Variants in DNAAF1 observed in about 807,000 individuals in gnomAD.
DNAAF1 encodes the protein dynein assembly factor 1, axonemal.
Under a neutral mutation model 71.1 loss-of-function variants are expected in DNAAF1, and 65 were observed. The observed-to-expected ratio is 0.91, with a 90% CI of 0.75 to 1.12. DNAAF1 has a LOEUF of 1.12. DNAAF1 is among the 50% of genes most tolerant of loss of function. The probability of loss-of-function intolerance (pLI) is 0.00; values close to 1 mark genes in which losing one functional copy is unlikely to be tolerated. For missense variants in DNAAF1, 1,178 were observed against 899.8 expected (o/e 1.31, Z -3.96); for synonymous variants, 414 against 354.6 (o/e 1.17, Z -1.88).
At chr16:84,174,597 T>G (rs746038599) in intron 9 of DNAAF1, 72 bp from the exon 10 acceptor site, 190 of 1,613,358 alleles carry the variant, frequency 1.2e-4, no homozygotes, top group Non-Finnish European at 1.5e-4. Context: ...CGTGTTTGCC[T>G]TTATCGTGCC....
intron 8 of DNAAF1, among the ~76,000 whole-genome samples, chr16:84,171,668 C>G (rs1442925434): frequency 6.6e-6 from 1 of 152,130 alleles, no homozygotes; most frequent in East Asian, 1.9e-4. Context: ...CCCCTGCTGG[C>G]ATCCCTTGTC....
chr16:84,171,280 C>G lies in DNAAF1; in HGVS notation c.1528+924C>G, dbSNP rs542474843. Among the ~76,000 whole-genome samples the G allele has an allele frequency of 1.2e-3, 176 of 152,168 alleles. 2 individuals carry two copies. Among genetic ancestry groups the G allele is most frequent in the African/African-American group, 3.9e-3 (163 of 41,518 alleles). ...GTGAGAAGCCCCCTTCCCCGCAACC[C>G]CCAAGCCTCTACAAAAAACAATAAA... On this transcript the variant is annotated intron_variant, in intron 8 of 11. Coordinates refer to ENST00000378553, the MANE Select transcript of DNAAF1 (RefSeq NM_178452.6).
chr16:84,173,509 T>G (rs1426396188), intron 9 of DNAAF1: 2 of 983,284 alleles, frequency 2.0e-6, no homozygotes, highest in African/African-American at 1.8e-5. Flanking sequence ...GAATTCACAG[T>G]GGGTTTCTAG....
intron 3 of DNAAF1, among the ~76,000 whole-genome samples, chr16:84,151,250 A>C (rs2087166620): frequency 1.3e-5 from 2 of 152,164 alleles, no homozygotes; most frequent in Non-Finnish European, 2.9e-5. Context: ...CTCAGTGCTG[A>C]AAATGCACAG....
At chr16:84,146,370 T>C (rs1283397070) in intron 1 of DNAAF1, among the ~76,000 whole-genome samples, 1 of 152,132 alleles carries the variant, frequency 6.6e-6, no homozygotes, top group East Asian at 1.9e-4. Context: ...AAGACTTGGT[T>C]CTGGGGTCAG....
Position 84,174,890 on chromosome 16 carries a change from C to T in DNAAF1, c.1698+168C>T, listed in dbSNP as rs141255420. The T allele has an allele frequency of 2.6e-4, 222 of 860,828 alleles. No individual in the cohort carries two copies. In the African/African-American group the frequency reaches 3.2e-3, roughly 12 times the overall value. 53.3% of individuals were successfully genotyped at this position (860,828 alleles called of 1,614,324 possible). On this transcript the variant is annotated intron_variant, in intron 10 of 11. Coordinates refer to ENST00000378553, the MANE Select transcript of DNAAF1 (RefSeq NM_178452.6). ...TTTTCTTTTCAGGCAGAGTCTGGCT[C>T]TGTCACCCAGGCTGCAGTGCAATAG...
At chr16:84,164,888 A>T (rs1047952714) in intron 6 of DNAAF1, among the ~76,000 whole-genome samples, 1 of 152,194 alleles carries the variant, frequency 6.6e-6, no homozygotes, top group Non-Finnish European at 1.5e-5. Flanking sequence ...CACCTAGAAC[A>T]AGTGAGCGTT....
In DNAAF1 at chr16:84,172,372, T is replaced by C. The variant is rs1375900988; in HGVS notation, c.1641T>C (p.Ile547=). 1 of 1,613,764 alleles carries C rather than the reference T, an allele frequency of 6.2e-7. No individual in the cohort carries two copies. Among genetic ancestry groups the C allele is most frequent in the East Asian group, 2.2e-5 (1 of 44,904 alleles). ...TGGAGACAAAGGAGACATTCTGCAT[T>C]GATGTACATGAAGTATTTAATCTTG... ...IRLETKETFC[I]DDLPDLEDDD... is the part of the protein sequence containing the mutation. The change falls in exon 9 of 12, where the codon ATT becomes ATC. Residue 547 remains isoleucine (I), a synonymous_variant. Transcript: ENST00000378553.
intron 6 of DNAAF1, among the ~76,000 whole-genome samples, chr16:84,163,255 A>G (rs2087799620): frequency 6.6e-6 from 1 of 152,110 alleles, no homozygotes; most frequent in African/African-American, 2.4e-5. Context: ...AGGAGACACC[A>G]CATGGTTTTC....
intron 9 of DNAAF1, chr16:84,173,426 T>C (rs761421667): frequency 6.6e-6 from 6 of 915,586 alleles, no homozygotes; most frequent in Non-Finnish European, 7.8e-6. Flanking sequence ...ATCACGCCAC[T>C]GCACTCCAAC....
At chr16:84,169,732 C>A (rs1476834472) in intron 7 of DNAAF1, 127 bp from the exon 8 acceptor site, 2 of 1,419,988 alleles carry the variant, frequency 1.4e-6, no homozygotes, top group Non-Finnish European at 9.9e-7. Context: ...CTTGAGGACA[C>A]TTTTTTAACT....
At chr16:84,158,562 C>A (rs144661237) in intron 5 of DNAAF1, among the ~76,000 whole-genome samples, 3 of 152,154 alleles carry the variant, frequency 2.0e-5, no homozygotes, top group Admixed American at 6.5e-5. Context: ...CAGCCCAGAA[C>A]GAAAGCAGGT....
intron 5 of DNAAF1, 75 bp downstream of exon 5, chr16:84,155,824 C>A: frequency 6.4e-7 from 1 of 1,559,986 alleles, no homozygotes; most frequent in Non-Finnish European, 8.7e-7. Context: ...AATATCAAGT[C>A]CTTTTGTCTT....
intron 1 of DNAAF1, among the ~76,000 whole-genome samples, chr16:84,148,095 A>G (rs2087000548): frequency 1.3e-5 from 2 of 152,074 alleles, no homozygotes; most frequent in Non-Finnish European, 2.9e-5. Flanking sequence ...AACATTTCAC[A>G]TAGAGTTGGT....
intron 5 of DNAAF1, chr16:84,158,996 G>C (rs1331252665): frequency 3.0e-5 from 30 of 984,848 alleles, no homozygotes; most frequent in Non-Finnish European, 3.6e-5. Flanking sequence ...CTCCCAAAGT[G>C]CTGAGATTAC....
chr16:84,154,765 A>G lies in DNAAF1; in HGVS notation c.541A>G (p.Ser181Gly). The change falls in exon 4 of 12, where the codon AGC becomes GGC. Residue 181 changes from serine to glycine, a missense_variant. Ser to Gly is a moderately conservative substitution (Grantham distance 56). Transcript: ENST00000378553. ...GCAGAAACTGGATGCTCTTAACCTCAGCAACAATTACATCAAGACCATTGA... is the reference window on the plus strand; with the variant it reads ...GCAGAAACTGGATGCTCTTAACCTCGGCAACAATTACATCAAGACCATTGA... ...PLQKLDALNLSNNYIKTIENL... is the reference protein window; with the variant it reads ...PLQKLDALNLGNNYIKTIENL... The G allele has an allele frequency of 6.2e-7, 1 of 1,614,162 alleles. No individual in the cohort carries two copies. Among genetic ancestry groups the G allele is most frequent in the Non-Finnish European group, 8.5e-7 (1 of 1,180,008 alleles).
At chr16:84,175,258 G>C (rs796169452) in intron 10 of DNAAF1, 25 of 212,978 alleles carry the variant, frequency 1.2e-4, no homozygotes, top group African/African-American at 5.7e-4. Context: ...TTGCTGGTTT[G>C]TAACAGCTGA....
Position 84,170,150 on chromosome 16 carries a change from C to A in DNAAF1, c.1322C>A (p.Thr441Asn), listed in dbSNP as rs756639466. The A allele has an allele frequency of 6.3e-7, 1 of 1,585,606 alleles. No homozygotes were observed. Among genetic ancestry groups the A allele is most frequent in the Non-Finnish European group, 8.6e-7 (1 of 1,162,438 alleles). The change falls in exon 8 of 12, where the codon ACC becomes AAC. Residue 441 changes from threonine to asparagine, a missense_variant. Coordinates refer to ENST00000378553, the MANE Select transcript of DNAAF1 (RefSeq NM_178452.6). ...GEDGDGEPEG[T>N]LPAEAPPPPP... ...GACGGAGATGGAGAGCCAGAGGGGA[C>A]CCTCCCAGCTGAGGCCCCACCACCC...
At chr16:84,152,116 G>A (rs376319644) in intron 3 of DNAAF1, among the ~76,000 whole-genome samples, 18 of 152,236 alleles carry the variant, frequency 1.2e-4, no homozygotes, top group Non-Finnish European at 2.2e-4. Flanking sequence ...ACCGTAGCGT[G>A]TAGCAGTTAG....
Sources: gnomAD v4.1 joint callset for allele counts (sites outside exome capture counted in the v4.1 genomes callset) on GRCh38, gnomAD v4.1.1 for gene constraint, MANE v1.5 for transcripts, NCBI Gene and HGNC (gene_info 2026-07-23, HGNC 2026-07-21) for gene names.